The following CNBD1 variants were observed in gnomAD, a reference collection of about 807,000 sequenced individuals.
The protein encoded by CNBD1 is cyclic nucleotide-binding domain-containing protein 1.
CNBD1 carries 71 observed loss-of-function variants against 54.4 expected under a neutral mutation model. The ratio of observed to expected loss-of-function variants is 1.30; its 90% confidence interval spans 1.08 to 1.59. The LOEUF is 1.59. CNBD1 is among the 40% of genes most tolerant of loss of function. CNBD1 has a pLI of 0.00. For synonymous variants in CNBD1, 182 were observed against 170.7 expected (o/e 1.07, Z -0.51); for missense variants, 659 against 518.0 (o/e 1.27, Z -2.64).
At chr8:87,426,496 A>G (rs1808053467) in intron 2 of CNBD1, among the ~76,000 whole-genome samples, 1 of 152,244 alleles carries the variant, frequency 6.6e-6, no homozygotes, top group African/African-American at 2.4e-5. Context: ...AATTCTGCAC[A>G]ATTCTGTGTT....
rs143104030 is a variant in CNBD1 at position 87,204,139 on chromosome 8, T to G, written c.432-1854T>G. ...TCTTTTGGTTTGCAAGTTCAATGAG[T>G]CAAAACTTTTTTTGGAGCATAATAT... On this transcript the variant is annotated intron_variant, in intron 4 of 10. Transcript: ENST00000518476. 5.7e-3 allele frequency among the ~76,000 whole-genome samples: 874 copies of G among 152,248 alleles called. 19 individuals carry two copies. Among genetic ancestry groups the G allele is most frequent in the African/African-American group, 0.02 (844 of 41,546 alleles).
chr8:87,188,709 C>T (rs1813533402), intron 4 of CNBD1, among the ~76,000 whole-genome samples: 2 of 150,490 alleles, frequency 1.3e-5, no homozygotes, highest in Non-Finnish European at 3.0e-5. Flanking sequence ...GATGATCATG[C>T]CACTGCACTC....
At position 86,872,125 on chromosome 8, in the gene CNBD1, C is replaced by G. The variant is rs147932483; in HGVS notation, c.88+5542C>G. Among the ~76,000 whole-genome samples, 395 of 152,262 alleles carry G rather than the reference C, an allele frequency of 2.6e-3. 3 individuals are homozygous for G. Among genetic ancestry groups the G allele is most frequent in the African/African-American group, 9.0e-3 (376 of 41,558 alleles). On this transcript the variant is annotated intron_variant, in intron 1 of 10. Coordinates refer to ENST00000518476, the MANE Select transcript of CNBD1 (RefSeq NM_173538.3). The stretch of plus-strand genomic sequence containing the variant: ...GCAACACTGTTAACTCTACCTTAAT[C>G]TGGCCTATAAGGAACAGAGCTGGAG...
intron 6 of CNBD1, among the ~76,000 whole-genome samples, chr8:87,265,125 T>C (rs1808223556): frequency 6.6e-6 from 1 of 152,168 alleles, no homozygotes; most frequent in Non-Finnish European, 1.5e-5. Context: ...AGGGTTTTTA[T>C]GGTTTTAGGT....
chr8:87,344,254 A>T (rs1366659231), intron 8 of CNBD1, among the ~76,000 whole-genome samples: 1 of 152,110 alleles, frequency 6.6e-6, no homozygotes, highest in African/African-American at 2.4e-5. Context: ...ATTTTTATTC[A>T]GTGGTTCTAT....
intron 4 of CNBD1, among the ~76,000 whole-genome samples, chr8:86,947,657 A>C (rs1420130773): frequency 3.9e-5 from 6 of 152,066 alleles, no homozygotes; most frequent in African/African-American, 1.4e-4. Flanking sequence ...AGATGTATAT[A>C]TTTATGGGGC....
At chr8:86,954,324 A>G (rs1807703541) in intron 4 of CNBD1, among the ~76,000 whole-genome samples, 1 of 152,220 alleles carries the variant, frequency 6.6e-6, no homozygotes, top group East Asian at 1.9e-4. Flanking sequence ...TAAATCTTTT[A>G]TAACACTTCA....
chr8:87,081,769 G>T (rs1156378394), intron 4 of CNBD1, among the ~76,000 whole-genome samples: 1 of 152,056 alleles, frequency 6.6e-6, no homozygotes, highest in Admixed American at 6.6e-5. Context: ...GCCTCCCAAA[G>T]TGCTGGGATT....
At chr8:87,236,786 A>T (rs1250732851) in intron 5 of CNBD1, 133 bp from the exon 6 acceptor site, 4 of 497,124 alleles carry the variant, frequency 8.0e-6, no homozygotes, top group Non-Finnish European at 1.4e-5. Flanking sequence ...TGCCTATTAC[A>T]TTAAATTCAC....
intron 4 of CNBD1, among the ~76,000 whole-genome samples, chr8:87,199,330 A>C (rs1813799532): frequency 6.6e-6 from 1 of 152,190 alleles, no homozygotes; most frequent in African/African-American, 2.4e-5. Context: ...GAGTTCAACA[A>C]CAGATTTGAG....
Position 87,199,445 on chromosome 8 carries a change from C to T in CNBD1, c.432-6548C>T, listed in dbSNP as rs536366128. Reference sequence around the variant, plus strand: ...ACAAATTTGGAGGTAAGTATACACTCTTGCAGCCATTACCAAAATCTATGC... The same window carrying T: ...ACAAATTTGGAGGTAAGTATACACTTTTGCAGCCATTACCAAAATCTATGC... On this transcript the variant is annotated intron_variant, in intron 4 of 10. Transcript: ENST00000518476. 7.9e-5 allele frequency among the ~76,000 whole-genome samples: 12 copies of T among 152,292 alleles called. No homozygotes were observed. The South Asian group carries it at 2.5e-3, about 32-fold the overall frequency.
chr8:86,866,608 C>T (rs748393079), intron 1 of CNBD1, 25 bp downstream of exon 1: 1 of 1,529,994 alleles, frequency 6.5e-7, no homozygotes, highest in Non-Finnish European at 9.0e-7. Context: ...CTTTGATGCT[C>T]TTATTCACCT....
At chr8:87,070,175 A>G (rs1366010524) in intron 4 of CNBD1, among the ~76,000 whole-genome samples, 1 of 152,094 alleles carries the variant, frequency 6.6e-6, no homozygotes, top group African/African-American at 2.4e-5. Flanking sequence ...TTGTCACTTC[A>G]TGGATCCTGC....
In CNBD1 at chr8:87,410,501, G is replaced by C. The variant is rs562116452; in HGVS notation, c.214-18045G>C. On this transcript the variant is annotated intron_variant, in intron 2 of 7. Transcript: ENST00000521593. ...ATAAAATTTGAATGCATGAGGTGAT[G>C]CTTCTTATAAATAAGCAAAGAAAGT... Among the ~76,000 whole-genome samples the C allele has an allele frequency of 1.6e-4, 24 of 152,232 alleles. No homozygotes were observed. The Middle Eastern group carries it at 0.014, about 86-fold the overall frequency.
intron 4 of CNBD1, among the ~76,000 whole-genome samples, chr8:87,035,237 G>T (rs1586212611): frequency 6.6e-6 from 1 of 152,068 alleles, no homozygotes; most frequent in South Asian, 2.1e-4. Flanking sequence ...TGTGTATATT[G>T]TGTAATAATG....
At chr8:87,143,529 G>T (rs1812418156) in intron 4 of CNBD1, among the ~76,000 whole-genome samples, 1 of 152,112 alleles carries the variant, frequency 6.6e-6, no homozygotes, top group South Asian at 2.1e-4. Flanking sequence ...ATTATTTAAA[G>T]AATGTAAAGT....
intron 4 of CNBD1, among the ~76,000 whole-genome samples, chr8:87,002,735 A>AT (rs1001452361): frequency 6.0e-5 from 9 of 151,164 alleles, no homozygotes; most frequent in African/African-American, 1.9e-4. Context: ...TCTTACCCTT[A>AT]TTTTTTTCTT....
chr8:87,227,196 T>C lies in CNBD1; in HGVS notation c.578-9723T>C, dbSNP rs1050972641. ...TGATGGGTCTTGACTCTTTATCCAA[T>C]TTGCCAGTCTGTGTCTTTTAATTGG... On this transcript the variant is annotated intron_variant, in intron 5 of 10. Coordinates refer to ENST00000518476, the MANE Select transcript of CNBD1 (RefSeq NM_173538.3). Among the ~76,000 whole-genome samples, 244 of 152,230 alleles carry C rather than the reference T, an allele frequency of 1.6e-3. 2 individuals carry two copies. The highest frequency in any genetic ancestry group is 3.3e-3 in the African/African-American group (139 of 41,522).
At chr8:86,977,596 T>G (rs1227017378) in intron 4 of CNBD1, among the ~76,000 whole-genome samples, 1 of 152,108 alleles carries the variant, frequency 6.6e-6, no homozygotes, top group Non-Finnish European at 1.5e-5. Flanking sequence ...ATGAGACTAG[T>G]ATAAAAATTA....
Sources: allele counts gnomAD v4.1 joint callset (sites outside exome capture counted in the v4.1 genomes callset), GRCh38; gene constraint gnomAD v4.1.1; transcripts MANE v1.5; gene names NCBI Gene and HGNC (gene_info 2026-07-23, HGNC 2026-07-21).